The following TOPORS variants were observed in gnomAD, a reference collection of about 807,000 sequenced individuals.
TOPORS encodes the protein TOP1 binding arginine/serine rich protein, E3 ubiquitin ligase, also known as E3 ubiquitin-protein ligase Topors.
TOPORS carries 25 observed loss-of-function variants against 81.4 expected under a neutral mutation model. The observed-to-expected ratio is 0.31, with a 90% CI of 0.22 to 0.43. The LOEUF (loss-of-function observed/expected upper bound fraction) is 0.43. Among genes scored for constraint, TOPORS ranks in the 20% least tolerant of loss-of-function variants. The pLI, the probability that TOPORS is intolerant of heterozygous loss-of-function variation, is 1.00. For synonymous variants in TOPORS, 473 were observed against 456.6 expected (o/e 1.04, Z -0.46); for missense variants, 1,101 against 1,267.0 (o/e 0.87, Z 1.99).
intron 2 of TOPORS, among the ~76,000 whole-genome samples, chr9:32,549,865 A>T (rs1373240453): frequency 1.3e-5 from 2 of 152,218 alleles, no homozygotes; most frequent in African/African-American, 4.8e-5. Context: ...CAACTCCAAA[A>T]GAAGATACAA....
Position 32,550,807 on chromosome 9 carries a change from G to A in TOPORS, c.165C>T (p.Ser55=). The A allele has an allele frequency of 6.2e-7, 1 of 1,612,550 alleles. No homozygotes were observed. The highest frequency in any genetic ancestry group is 8.5e-7 in the Non-Finnish European group (1 of 1,179,670). Residue 55 remains serine (S), a synonymous_variant, in exon 2 of 3, where the codon AGC becomes AGT. Transcript: ENST00000360538. ...ATGCCGGCGCAGGCCTGGCTGGGGC[G>A]CTCGCCGCGAGCTCCCGGCAGCCCA... The part of the protein sequence containing the change: ...SFLGCRELAA[S]APARPAPASS...
At chr9:32,551,027 C>G in intron 1 of TOPORS, 59 bp from the exon 2 acceptor site, 2 of 1,573,912 alleles carry the variant, frequency 1.3e-6, no homozygotes, top group South Asian at 1.1e-5. Flanking sequence ...AGAGCGAGAC[C>G]CACCCCCCAG....
rs1453676118 is a variant in TOPORS, at chr9:32,541,311, A to G, written c.*76T>C. 6 of 1,409,344 alleles carry G rather than the reference A, an allele frequency of 4.3e-6. No homozygotes were observed. In the African/African-American group the frequency reaches 8.5e-5, roughly 20 times the overall value. The allele number at this position is 1,409,344 out of a possible 1,614,324, so 87.3% of individuals were successfully genotyped here. On this transcript the variant is annotated 3_prime_UTR_variant, in exon 3 of 3. Coordinates refer to ENST00000360538, the MANE Select transcript of TOPORS (RefSeq NM_005802.5). ...AGTTTTCACCAAATGTCATCTTTAA[A>G]TAGACTGCAGTAGACGACATTCTTC...
At chr9:32,550,404 T>C (rs919969531) in intron 2 of TOPORS, among the ~76,000 whole-genome samples, 2 of 152,222 alleles carry the variant, frequency 1.3e-5, no homozygotes, top group African/African-American at 4.8e-5. Flanking sequence ...TTAAATATTG[T>C]TATTCCCATT....
chr9:32,541,341 T>C lies in TOPORS; in HGVS notation c.*46A>G. 1.3e-6 allele frequency: 2 copies of C among 1,598,562 alleles called. No individual in the cohort carries two copies. The highest frequency in any genetic ancestry group is 1.7e-6 in the Non-Finnish European group (2 of 1,167,286). ...CTGCAGTAGACGACATTCTTCCTTTTTCCTTTTTATAACATCATAATTCTC... is the reference window on the plus strand; with the variant it reads ...CTGCAGTAGACGACATTCTTCCTTTCTCCTTTTTATAACATCATAATTCTC... On this transcript the variant is annotated 3_prime_UTR_variant, in exon 3 of 3. Transcript: ENST00000360538.
At chr9:32,551,036 A>C in intron 1 of TOPORS, 68 bp from the exon 2 acceptor site, 3 of 1,550,984 alleles carry the variant, frequency 1.9e-6, no homozygotes, top group Non-Finnish European at 2.6e-6. Flanking sequence ...CCCACCCCCC[A>C]GCTCCCGCGC....
At position 32,541,798 on chromosome 9, in the gene TOPORS, G is replaced by A; in HGVS notation, c.2727C>T (p.Thr909=). ...DNASRSPVVI[T]IDSDSDKDSE... ...AATCCTTATCACTGTCACTGTCAAT[G>A]GTAATTACAACTGGGGAACGTGAAG... Residue 909 remains threonine, a synonymous_variant, in exon 3 of 3, where the codon ACC becomes ACT. Coordinates refer to ENST00000360538, the MANE Select transcript of TOPORS (RefSeq NM_005802.5). 6.2e-7 allele frequency: 1 copy of A among 1,614,132 alleles called. No individual in the cohort carries two copies. Among genetic ancestry groups the A allele is most frequent in the Non-Finnish European group, 8.5e-7 (1 of 1,180,030 alleles).
chr9:32,549,593 T>G (rs1821194064), intron 2 of TOPORS, among the ~76,000 whole-genome samples: 1 of 152,220 alleles, frequency 6.6e-6, no homozygotes, highest in African/African-American at 2.4e-5. Flanking sequence ...AACAATGTTC[T>G]CTATGTTACG....
intron 2 of TOPORS, among the ~76,000 whole-genome samples, chr9:32,547,606 C>T (rs1317493732): frequency 6.6e-6 from 1 of 152,038 alleles, no homozygotes; most frequent in Non-Finnish European, 1.5e-5. Flanking sequence ...TTCACAAGAA[C>T]CCACATATTG....
In TOPORS at chr9:32,552,507, C is replaced by T; in HGVS notation, c.-71G>A. 1 of 1,568,680 alleles carries T rather than the reference C, an allele frequency of 6.4e-7. No individual in the cohort carries two copies. The highest frequency in any genetic ancestry group is 8.7e-7 in the Non-Finnish European group (1 of 1,155,912). ...AAGTCCCGGGGATCGCGGGCCCCCA[C>T]CGTGTCGACTCACTGGGCCCGCAGG... On this transcript the variant is annotated 5_prime_UTR_variant, in exon 1 of 3. It adds an upstream start codon to the 5' untranslated region. Coordinates refer to ENST00000360538, the MANE Select transcript of TOPORS (RefSeq NM_005802.5).
chr9:32,545,890 G>A (rs1277136923), intron 2 of TOPORS, among the ~76,000 whole-genome samples: 2 of 152,210 alleles, frequency 1.3e-5, no homozygotes, highest in East Asian at 1.9e-4. Context: ...TCAAATAACA[G>A]AATTGTAATT....
At chr9:32,550,753 A>G in intron 2 of TOPORS, 21 bp downstream of exon 2, 4 of 1,612,368 alleles carry the variant, frequency 2.5e-6, no homozygotes, top group Non-Finnish European at 2.5e-6. Flanking sequence ...CCCGCGTCCC[A>G]TTGTTCCGAA....
intron 1 of TOPORS, chr9:32,551,253 A>C (rs1293804097): frequency 5.3e-6 from 3 of 571,246 alleles, no homozygotes; most frequent in Non-Finnish European, 9.4e-6. Context: ...TACCCGGAAA[A>C]CACGAGAACT....
chr9:32,545,297 TC>T (rs1435397918), intron 2 of TOPORS, among the ~76,000 whole-genome samples: 1 of 151,910 alleles, frequency 6.6e-6, no homozygotes, highest in East Asian at 1.9e-4. Flanking sequence ...ATGTTTTTGG[TC>T]CCCTTCCCTA....
intron 1 of TOPORS, chr9:32,551,589 T>A: frequency 4.0e-6 from 1 of 249,730 alleles, no homozygotes; most frequent in Non-Finnish European, 8.6e-6. Flanking sequence ...TCTTTTAAGA[T>A]AACTGCGAGG....
chr9:32,551,462 C>T (rs1289911869), intron 1 of TOPORS: 2 of 271,842 alleles, frequency 7.4e-6, no homozygotes, highest in Non-Finnish European at 7.4e-6. Context: ...AGAGGGATCC[C>T]CTCCAGGCTG....
chr9:32,544,016 G>A lies in TOPORS; in HGVS notation c.509C>T (p.Ser170Phe). 2 of 1,614,170 alleles carry A rather than the reference G, an allele frequency of 1.2e-6. No individual in the cohort carries two copies. Among genetic ancestry groups the A allele is most frequent in the Non-Finnish European group, 1.7e-6 (2 of 1,180,020 alleles). The change falls in exon 3 of 3, where the codon TCT becomes TTT. Residue 170 changes from serine (S) to phenylalanine (F), a missense_variant. Ser to Phe is a radical substitution (Grantham distance 155, BLOSUM62 -2). This residue lies in a region of TOPORS where 120 missense variants were observed against 115.4 expected (regional missense o/e 1.04). Coordinates refer to ENST00000360538, the MANE Select transcript of TOPORS (RefSeq NM_005802.5). ...AAATCGTCGATCAGGGGTGACAAAA[G>A]AACCATTATACGAAGGCCTTAGGAC... ...EYVLRPSYNG[S>F]FVTPDRRFRY... is the part of the protein sequence containing the mutation.
chr9:32,542,561 C>T lies in TOPORS; in HGVS notation c.1964G>A (p.Arg655Lys), dbSNP rs755488728. The T allele has an allele frequency of 6.8e-6, 11 of 1,614,110 alleles. No individual in the cohort carries two copies. Among genetic ancestry groups the T allele is most frequent in the Non-Finnish European group, 9.3e-6 (11 of 1,180,022 alleles). ...ACTTAGAGACAGAGTTTGGCTTCTT[C>T]TGGACCAACTGCTATCTCTAGTTCT... The part of the protein sequence containing the change: ...RSRTRDSSWS[R>K]RSQTLSLSSE... The change falls in exon 3 of 3, where the codon AGA (arginine) becomes AAA (lysine). Residue 655 changes from arginine to lysine, a missense_variant. This residue lies in a region of TOPORS where 605 missense variants were observed against 636.1 expected (regional missense o/e 0.95). Coordinates refer to ENST00000360538, the MANE Select transcript of TOPORS (RefSeq NM_005802.5).
chr9:32,543,905 G>A lies in TOPORS; in HGVS notation c.620C>T (p.Pro207Leu), dbSNP rs1331867715. The A allele has an allele frequency of 7.4e-6, 12 of 1,613,908 alleles. No homozygotes were observed. Among genetic ancestry groups the A allele is most frequent in the South Asian group, 1.1e-5 (1 of 91,068 alleles). ...GPVNRRTTTP[P>L]DSGVLFEGLG... ...CCCTTCAAACAGTACTCCACTATCCGGTGGAGTTGTTGTTCTTCTGTTCAC... is the reference window on the plus strand; with the variant it reads ...CCCTTCAAACAGTACTCCACTATCCAGTGGAGTTGTTGTTCTTCTGTTCAC... Residue 207 changes from proline to leucine, a missense_variant, in exon 3 of 3, where the codon CCG (proline) becomes CTG (leucine). Pro to Leu is a moderately conservative substitution (Grantham distance 98). Around this residue, in one of 9 missense-constraint regions of TOPORS, gnomAD observed 120 missense variants for 115.4 expected, o/e 1.04. Coordinates refer to ENST00000360538, the MANE Select transcript of TOPORS (RefSeq NM_005802.5). This position sits in a 1 kb window ranked among gnomAD's most constrained non-coding sequence, Gnocchi z 5.6.
Sources: allele counts gnomAD v4.1 joint callset (sites outside exome capture counted in the v4.1 genomes callset), GRCh38; gene constraint gnomAD v4.1.1; regional missense constraint gnomAD v4.1.1; non-coding constraint Gnocchi (gnomAD v3.1); transcripts MANE v1.5; gene names NCBI Gene and HGNC (gene_info 2026-07-23, HGNC 2026-07-21).